Variants in MYLK3 observed in about 807,000 individuals in gnomAD.
The protein encoded by MYLK3 is myosin light chain kinase 3.
Under a neutral mutation model 76.3 loss-of-function variants are expected in MYLK3, and 55 were observed. The ratio of observed to expected loss-of-function variants is 0.72; its 90% CI spans 0.58 to 0.90. The LOEUF is 0.90. MYLK3 is among the 40% of genes least tolerant of loss of function. The pLI is 0.00. For missense variants in MYLK3, 973 were observed against 1,053.6 expected, an observed-to-expected ratio of 0.92 and a Z score of 1.06; for synonymous variants, 416 against 425.4, an observed-to-expected ratio of 0.98 and a Z score of 0.27.
exon 1 of MYLK3, chr16:46,763,187 C>A (rs1967302660): frequency 1.0e-6 from 1 of 985,256 alleles, no homozygotes; most frequent in African/African-American, 1.7e-5. Context: ...CAGTTATAAC[C>A]CAAGACAAGA....
At chr16:46,733,866 T>C (rs1966857918) in intron 3 of MYLK3, among the ~76,000 whole-genome samples, 1 of 152,142 alleles carries the variant, frequency 6.6e-6, no homozygotes, top group Non-Finnish European at 1.5e-5. Context: ...TTTGGATAAG[T>C]CTGGCCTCAG....
intron 8 of MYLK3, among the ~76,000 whole-genome samples, chr16:46,724,534 A>G (rs1353570383): frequency 6.6e-6 from 1 of 152,220 alleles, no homozygotes; most frequent in African/African-American, 2.4e-5. Flanking sequence ...ATGGGGTCCC[A>G]GCACAATTGT....
chr16:46,742,226 A>AG (rs2143016431), intron 1 of MYLK3, among the ~76,000 whole-genome samples: 1 of 96,930 alleles, frequency 1.0e-5, no homozygotes, highest in Non-Finnish European at 2.6e-5. Context: ...TAAACTCACT[A>AG]GAAAAAAAAA....
upstream of MYLK3, among the ~76,000 whole-genome samples, chr16:46,750,651 G>T (rs1342266736): frequency 6.6e-6 from 1 of 151,956 alleles, no homozygotes; most frequent in African/African-American, 2.4e-5. Flanking sequence ...CCAAGATTGC[G>T]CCACTGCCCT....
At chr16:46,751,886 T>C (rs1363186957), upstream of MYLK3, among the ~76,000 whole-genome samples, 1 of 152,164 alleles carries the variant, frequency 6.6e-6, no homozygotes, top group Non-Finnish European at 1.5e-5. Flanking sequence ...GCGGGGATGC[T>C]TCTCTCTAAC....
In MYLK3 at chr16:46,744,908, G is replaced by C. The variant is rs559719854; in HGVS notation, c.477+2809C>G. 4.6e-5 allele frequency among the ~76,000 whole-genome samples: 7 copies of C among 152,064 alleles called. No individual in the cohort carries two copies. In the East Asian group the frequency reaches 1.4e-3, roughly 29 times the overall value. On this transcript the variant is annotated intron_variant, in intron 1 of 12. Coordinates refer to ENST00000394809, the MANE Select transcript of MYLK3 (RefSeq NM_182493.3). ...AGTATCAAGATTATGTTTTTTAAAA[G>C]AGCCCTTATCTTTTTGCTATAAATG... is the stretch of plus-strand genomic sequence containing the variant.
At chr16:46,713,983 AG>A (rs1456874973) in intron 9 of MYLK3, among the ~76,000 whole-genome samples, 10 of 152,234 alleles carry the variant, frequency 6.6e-5, no homozygotes, top group African/African-American at 2.4e-4. Flanking sequence ...GATGGACACT[AG>A]GTGGTAACTT....
At chr16:46,730,517 C>T (rs1392917031) in intron 5 of MYLK3, 76 bp downstream of exon 5, 1 of 1,210,204 alleles carries the variant, frequency 8.3e-7, no homozygotes, top group Admixed American at 1.7e-5. Context: ...GCACCCACCC[C>T]AGTTCTCCAG....
At chr16:46,760,883 G>T (rs1035301743) in intron 1 of MYLK3, among the ~76,000 whole-genome samples, 1 of 152,134 alleles carries the variant, frequency 6.6e-6, no homozygotes, top group Non-Finnish European at 1.5e-5. Flanking sequence ...TCAGGCAGCC[G>T]CAGGATGTGA....
chr16:46,721,538 T>C (rs552079197), intron 8 of MYLK3, among the ~76,000 whole-genome samples: 23 of 152,176 alleles, frequency 1.5e-4, no homozygotes, highest in Non-Finnish European at 3.2e-4. Context: ...GTTTTGTTTT[T>C]AATTTAAAAA....
chr16:46,721,169 G>T lies in MYLK3; in HGVS notation c.1939C>A (p.Gln647Lys). Reference protein sequence around the residue: ...LKPENILCVNQTGHQIKIIDF... With the variant: ...LKPENILCVNKTGHQIKIIDF... The stretch of plus-strand genomic sequence containing the variant: ...ATGATCTTAATTTGATGTCCTGTCT[G>T]ATTGACGCACAATATGTTCTCCGGC... Residue 647 changes from glutamine to lysine, a missense_variant, in exon 9 of 13, where the codon CAG (glutamine) becomes AAG (lysine). Gln to Lys is a moderately conservative substitution (Grantham distance 53, BLOSUM62 1). Around this residue, in one of 2 missense-constraint regions of MYLK3, gnomAD observed 332 missense variants for 416.6 expected, o/e 0.80. Coordinates refer to ENST00000394809, the MANE Select transcript of MYLK3 (RefSeq NM_182493.3). 6.2e-7 allele frequency: 1 copy of T among 1,614,216 alleles called. No individual in the cohort carries two copies. Among genetic ancestry groups the T allele is most frequent in the Non-Finnish European group, 8.5e-7 (1 of 1,180,038 alleles).
intron 2 of MYLK3, 151 bp downstream of exon 2, chr16:46,739,906 G>A (rs1966901329): frequency 1.7e-6 from 1 of 580,304 alleles, no homozygotes. Flanking sequence ...GTCTCTGGTG[G>A]GATATATATG....
At chr16:46,758,302 ACACTCTCT>A (rs1237962281) in intron 1 of MYLK3, among the ~76,000 whole-genome samples, 1,493 of 53,798 alleles carry the variant, frequency 0.028, 4 homozygotes, top group Non-Finnish European at 0.033. Flanking sequence ...ACACACACAC[ACACTCTCT>A]CTCTCTCTCT....
chr16:46,708,468 A>T (rs1441700002), intron 12 of MYLK3, among the ~76,000 whole-genome samples: 1 of 151,880 alleles, frequency 6.6e-6, no homozygotes, highest in Non-Finnish European at 1.5e-5. Flanking sequence ...TTTTTTTTTA[A>T]ACAGAGATGG....
intron 2 of MYLK3, among the ~76,000 whole-genome samples, chr16:46,739,175 T>C (rs1966891387): frequency 6.6e-6 from 1 of 151,988 alleles, no homozygotes; most frequent in African/African-American, 2.4e-5. Context: ...TTCATAGTGA[T>C]GGAGTCTCAC....
chr16:46,738,000 C>T lies in MYLK3; in HGVS notation c.712G>A (p.Gly238Ser), dbSNP rs1232683707. 1.2e-6 allele frequency: 2 copies of T among 1,613,716 alleles called. No individual in the cohort carries two copies. Among genetic ancestry groups the T allele is most frequent in the African/African-American group, 1.3e-5 (1 of 75,034 alleles). ...ACCTTTGTGGGCAGGGGCAGGTGGC[C>T]AGGGAATGCCTGGGCTGGGCCAGGA... ...GVPGPAQAFP[G>S]HLPLPTKVEA... The change falls in exon 3 of 13, where the codon GGC (glycine) becomes AGC (serine). Residue 238 changes from glycine to serine, a missense_variant. Gly to Ser is a moderately conservative substitution (Grantham distance 56). Transcript: ENST00000394809.
At chr16:46,749,199 C>T (rs1057425660), upstream of MYLK3, among the ~76,000 whole-genome samples, 1 of 152,252 alleles carries the variant, frequency 6.6e-6, no homozygotes, top group Non-Finnish European at 1.5e-5. Flanking sequence ...AAGGTTACCC[C>T]CGAGGTGGGG....
chr16:46,734,261 C>G (rs1313960296), intron 3 of MYLK3, among the ~76,000 whole-genome samples: 1 of 152,190 alleles, frequency 6.6e-6, no homozygotes, highest in African/African-American at 2.4e-5. Flanking sequence ...CTGACACACA[C>G]TACAGCATCG....
chr16:46,722,563 A>G (rs756226155), intron 8 of MYLK3, among the ~76,000 whole-genome samples: 2 of 152,242 alleles, frequency 1.3e-5, no homozygotes, highest in Non-Finnish European at 1.5e-5. Context: ...AACACTGTCC[A>G]ATAAAAATAT....
Sources: allele counts gnomAD v4.1 joint callset (sites outside exome capture counted in the v4.1 genomes callset), GRCh38; gene constraint gnomAD v4.1.1; regional missense constraint gnomAD v4.1.1; transcripts MANE v1.5; gene names NCBI Gene and HGNC (gene_info 2026-07-23, HGNC 2026-07-21).